The following AHCYL1 variants were observed in gnomAD, a reference collection of about 807,000 sequenced individuals.
The protein encoded by AHCYL1 is S-adenosylhomocysteine hydrolase-like protein 1.
In AHCYL1, 20 loss-of-function variants were observed where a neutral mutation model predicts 79.3. That is an observed-to-expected ratio of 0.25 (90% CI 0.18 to 0.37). AHCYL1 has a LOEUF of 0.37. AHCYL1 is among the 10% of genes least tolerant of loss of function. The pLI, the probability that AHCYL1 is intolerant of heterozygous loss-of-function variation, is 1.00. For missense variants in AHCYL1, 330 were observed against 673.6 expected (o/e 0.49, Z 5.65); for synonymous variants, 223 against 242.2 (o/e 0.92, Z 0.74).
chr1:110,013,063 G>A, intron 5 of AHCYL1, 64 bp downstream of exon 5: 6 of 1,312,402 alleles, frequency 4.6e-6, no homozygotes, highest in Non-Finnish European at 1.1e-6. Context: ...TAACTTTTTT[G>A]TATCAAAATT....
In AHCYL1 at chr1:110,017,513, G is replaced by A; in HGVS notation, c.982G>A (p.Ala328Thr). The A allele has an allele frequency of 1.2e-6, 2 of 1,614,090 alleles. No individual in the cohort carries two copies. Among genetic ancestry groups the A allele is most frequent in the Non-Finnish European group, 1.7e-6 (2 of 1,180,000 alleles). ...GYGEVGKGCC[A>T]ALKALGAIVY... ...TCTGCAGGTAGGCAAGGGCTGCTGT[G>A]CTGCTCTCAAAGCTCTTGGAGCAAT... The change falls in exon 10 of 17, where the codon GCT becomes ACT. Residue 328 changes from alanine (A) to threonine (T), a missense_variant. By Grantham distance (58) the Ala-to-Thr change is moderately conservative. Transcript: ENST00000369799.
In AHCYL1 at chr1:109,984,978, CG is replaced by C; in HGVS notation, c.-72del. 1 of 1,370,444 alleles carries C rather than the reference CG, an allele frequency of 7.3e-7. No homozygotes were observed. The highest frequency in any genetic ancestry group is 9.4e-7 in the Non-Finnish European group (1 of 1,064,082). The allele number at this position is 1,370,444 out of a possible 1,614,324, so 84.9% of individuals were successfully genotyped here. On this transcript the variant is annotated 5_prime_UTR_variant, in exon 1 of 17. Transcript: ENST00000369799. ...CGATCGCGTGTCGGAGGGCGCCGCG[CG>C]GGCAGGCGGGCGGGCGCCAGAGGGG...
At chr1:109,995,132 G>T (rs1649961218) in intron 1 of AHCYL1, among the ~76,000 whole-genome samples, 1 of 152,026 alleles carries the variant, frequency 6.6e-6, no homozygotes, top group Non-Finnish European at 1.5e-5. Flanking sequence ...GTGGAAGTGG[G>T]GTAAAGCATG....
chr1:109,992,408 CAA>C lies in AHCYL1; in HGVS notation c.120+7257_120+7258del, dbSNP rs57891226. ...CTGGCAACAGAGCAAGACTCCGTCT[CAA>C]AAAAAAAAAAAAAAAAAAAAGTTAA... is the stretch of plus-strand genomic sequence containing the variant. On this transcript the variant is annotated intron_variant, in intron 1 of 16. Coordinates refer to ENST00000369799, the MANE Select transcript of AHCYL1 (RefSeq NM_006621.7). Among the ~76,000 whole-genome samples, 304 of 72,760 alleles carry C rather than the reference CAA, an allele frequency of 4.2e-3. 1 individual carries two copies. Among genetic ancestry groups the C allele is most frequent in the African/African-American group, 0.011 (258 of 22,950 alleles). The allele number at this position is 72,760 out of a possible 152,430, so 47.7% of individuals were successfully genotyped here. A position where few individuals can be genotyped will look rare whatever the true frequency, so the allele number is the denominator to read the frequency against.
chr1:110,018,766 G>A, intron 13 of AHCYL1, 116 bp downstream of exon 13: 1 of 1,065,664 alleles, frequency 9.4e-7, no homozygotes, highest in Non-Finnish European at 1.4e-6. Context: ...TATCTTTGGA[G>A]AGAGAGATAT....
chr1:109,995,472 CT>C (rs1649984870), intron 1 of AHCYL1, among the ~76,000 whole-genome samples: 1 of 152,236 alleles, frequency 6.6e-6, no homozygotes, highest in Non-Finnish European at 1.5e-5. Flanking sequence ...TAGGATCCAT[CT>C]GATGGATTGT....
At chr1:110,006,870 G>A (rs1254232908) in intron 1 of AHCYL1, among the ~76,000 whole-genome samples, 1 of 152,146 alleles carries the variant, frequency 6.6e-6, no homozygotes, top group East Asian at 1.9e-4. Flanking sequence ...TCCTTGCCAT[G>A]GCTTGGGTTA....
rs74899969 is a variant in AHCYL1 at position 110,021,670 on chromosome 1, A to T, written c.1587-4A>T. ...TGTTAACCAATCACTCTCTCTCTTT[A>T]CAGATACTAATGGACCATACTACCA... On this transcript the variant is annotated splice_region_variant and splice_polypyrimidine_tract_variant and intron_variant, in intron 16 of 16. Coordinates refer to ENST00000369799, the MANE Select transcript of AHCYL1 (RefSeq NM_006621.7). 1.9e-3 allele frequency: 2,987 copies of T among 1,612,270 alleles called. 54 individuals carry two copies. In the African/African-American group the frequency reaches 0.034, roughly 18 times the overall value.
intron 1 of AHCYL1, chr1:110,004,338 C>T (rs1650514087): frequency 1.0e-6 from 1 of 985,258 alleles, no homozygotes. Flanking sequence ...CAGCCAAAAC[C>T]TGCTAAGTCT....
rs187768149 is a variant in AHCYL1 at position 110,016,608 on chromosome 1, G to C, written c.900-59G>C. 1.7e-4 allele frequency: 275 copies of C among 1,609,458 alleles called. 2 individuals are homozygous for C. In the Admixed American group the frequency reaches 4.6e-3, roughly 27 times the overall value. On this transcript the variant is annotated intron_variant, in intron 8 of 16. Coordinates refer to ENST00000369799, the MANE Select transcript of AHCYL1 (RefSeq NM_006621.7). ...CATTGGCCCACACTTTTAACTTTGT[G>C]AAGAGGGACTGAGTTTGAGCTATTA...
intron 1 of AHCYL1, among the ~76,000 whole-genome samples, chr1:110,001,702 C>T (rs1030649208): frequency 3.3e-5 from 5 of 152,090 alleles, no homozygotes; most frequent in Non-Finnish European, 7.4e-5. Flanking sequence ...GGGAGGGACA[C>T]GTAGAGTATC....
chr1:110,017,595 G>A lies in AHCYL1; in HGVS notation c.1052+12G>A. On this transcript the variant is annotated intron_variant, in intron 10 of 16. Transcript: ENST00000369799. ...GCTCTGCAGGCCTGGTAAGAACAGA[G>A]TGATAATACTATTAGATTCACTCTA... is the stretch of plus-strand genomic sequence containing the variant. 6.2e-7 allele frequency: 1 copy of A among 1,609,620 alleles called. No individual in the cohort carries two copies. Among genetic ancestry groups the A allele is most frequent in the Middle Eastern group, 1.7e-4 (1 of 6,046 alleles).
chr1:110,002,031 T>C (rs1194915126), intron 1 of AHCYL1, among the ~76,000 whole-genome samples: 1 of 152,236 alleles, frequency 6.6e-6, no homozygotes, highest in African/African-American at 2.4e-5. Flanking sequence ...TTGAAACTTT[T>C]GTATGCATTA....
chr1:110,018,826 TACTAAGTAAC>T (rs1238582894), intron 13 of AHCYL1, 176 bp downstream of exon 13: 1 of 752,474 alleles, frequency 1.3e-6, no homozygotes, highest in African/African-American at 1.8e-5. Flanking sequence ...ATCTACTTTT[TACTAAGTAAC>T]ACTATTTCCT....
chr1:109,993,061 T>G (rs1472498195), intron 1 of AHCYL1, among the ~76,000 whole-genome samples: 1 of 152,208 alleles, frequency 6.6e-6, no homozygotes, highest in African/African-American at 2.4e-5. Flanking sequence ...AGACTCATTA[T>G]AAGTGCCTTG....
Position 110,011,281 on chromosome 1 carries a change from G to A in AHCYL1, c.300G>A (p.Lys100=), listed in dbSNP as rs1379080046. ...GAGAGAAGCAGCAAACCAACTCCAA[G>A]GGCAGCAGCAATTTCTGTGTGAAGA... ...SPREKQQTNS[K]GSSNFCVKNI... is the part of the protein sequence containing the mutation. Residue 100 remains lysine, a synonymous_variant, in exon 3 of 17, where the codon AAG becomes AAA. Transcript: ENST00000369799. 6.2e-7 allele frequency: 1 copy of A among 1,613,962 alleles called. No individual in the cohort carries two copies. The highest frequency in any genetic ancestry group is 8.5e-7 in the Non-Finnish European group (1 of 1,180,026).
chr1:110,004,507 C>CTT, intron 1 of AHCYL1: 13 of 871,648 alleles, frequency 1.5e-5, no homozygotes, highest in Non-Finnish European at 1.8e-5. Flanking sequence ...TTGGGAAACA[C>CTT]TTTTTTTTTT....
intron 2 of AHCYL1, among the ~76,000 whole-genome samples, chr1:110,009,423 C>A (rs984826034): frequency 6.6e-6 from 1 of 152,154 alleles, no homozygotes; most frequent in South Asian, 2.1e-4. Flanking sequence ...CACATTGATC[C>A]GCCCATTTCA....
intron 7 of AHCYL1, 87 bp downstream of exon 7, chr1:110,015,618 A>T (rs978040929): frequency 9.6e-7 from 1 of 1,045,648 alleles, no homozygotes; most frequent in African/African-American, 1.6e-5. Context: ...TGTGTTTCAG[A>T]CTTATAACTA....
Sources: allele counts gnomAD v4.1 joint callset (sites outside exome capture counted in the v4.1 genomes callset), GRCh38; gene constraint gnomAD v4.1.1; transcripts MANE v1.5; gene names NCBI Gene and HGNC (gene_info 2026-07-23, HGNC 2026-07-21).